ROR1: variants seen among roughly 807,000 people sequenced by gnomAD.
ROR1 encodes the protein inactive tyrosine-protein kinase transmembrane receptor ROR1.
ROR1 carries 19 observed loss-of-function variants against 78.8 expected under a neutral mutation model. The ratio of observed to expected loss-of-function variants is 0.24; its 90% confidence interval spans 0.17 to 0.35. The LOEUF (loss-of-function observed/expected upper bound fraction) is 0.35, where lower values mean the gene tolerates loss of function less well. ROR1 is among the 10% of genes least tolerant of loss of function. The pLI is 1.00. For synonymous variants in ROR1, 386 were observed against 433.6 expected (o/e 0.89, Z 1.36); for missense variants, 917 against 1,177.8 (o/e 0.78, Z 3.24).
chr1:64,019,388 C>T (rs1646546588), intron 2 of ROR1, among the ~76,000 whole-genome samples: 2 of 152,074 alleles, frequency 1.3e-5, no homozygotes, highest in South Asian at 4.1e-4. Flanking sequence ...ATTTTTTCCC[C>T]CATCTGTAAA....
chr1:64,119,004 G>C (rs1283199303), intron 4 of ROR1, among the ~76,000 whole-genome samples: 1 of 152,202 alleles, frequency 6.6e-6, no homozygotes, highest in Non-Finnish European at 1.5e-5. Flanking sequence ...ACCTTGACAG[G>C]TCATCTCTGG....
intron 2 of ROR1, among the ~76,000 whole-genome samples, chr1:64,009,581 G>T (rs1015272388): frequency 2.0e-5 from 3 of 151,700 alleles, no homozygotes; most frequent in Non-Finnish European, 4.4e-5. Context: ...TCCCCCCCTC[G>T]TTCCTTTTTC....
intron 2 of ROR1, among the ~76,000 whole-genome samples, chr1:64,030,642 A>G (rs1646652594): frequency 6.6e-6 from 1 of 152,120 alleles, no homozygotes. Flanking sequence ...TATATCGAGA[A>G]TGCTCTGGGG....
rs539751291 is a variant in ROR1 at position 63,946,046 on chromosome 1, A to T, written c.92-63259A>T. ...AGAAGTAAGTTTGTTTCAGCTACAGAGAATTCTCAGCTTCTCTCCTGCACT... is the reference window on the plus strand; with the variant it reads ...AGAAGTAAGTTTGTTTCAGCTACAGTGAATTCTCAGCTTCTCTCCTGCACT... On this transcript the variant is annotated intron_variant, in intron 1 of 8. Transcript: ENST00000371079. Among the ~76,000 whole-genome samples, 5 of 152,318 alleles carry T rather than the reference A, an allele frequency of 3.3e-5. No individual in the cohort carries two copies. The East Asian group carries it at 9.7e-4, about 29-fold the overall frequency.
chr1:64,130,083 G>A (rs554489486), intron 4 of ROR1, among the ~76,000 whole-genome samples: 8 of 152,268 alleles, frequency 5.3e-5, no homozygotes, highest in Admixed American at 6.5e-5. Context: ...TTAGCTAAGC[G>A]AATAAATGTT....
intron 8 of ROR1, among the ~76,000 whole-genome samples, chr1:64,174,140 G>C (rs1314823747): frequency 1.3e-5 from 2 of 152,018 alleles, no homozygotes; most frequent in Non-Finnish European, 2.9e-5. Context: ...TGATTTAAAG[G>C]GCACTTATTA....
intron 1 of ROR1, among the ~76,000 whole-genome samples, chr1:63,884,301 T>C (rs992456680): frequency 6.6e-6 from 1 of 152,150 alleles, no homozygotes; most frequent in Non-Finnish European, 1.5e-5. Flanking sequence ...CTGGTGACTC[T>C]TGGTAAAGTC....
At chr1:63,961,901 C>T (rs985061308) in intron 1 of ROR1, among the ~76,000 whole-genome samples, 2 of 151,994 alleles carry the variant, frequency 1.3e-5, no homozygotes, top group African/African-American at 4.8e-5. Context: ...TTCCAACTAC[C>T]CTGATTTGAT....
At chr1:63,940,322 CAG>C (rs1306440684) in intron 1 of ROR1, among the ~76,000 whole-genome samples, 1 of 152,068 alleles carries the variant, frequency 6.6e-6, no homozygotes, top group East Asian at 1.9e-4. Context: ...GTCAAGAAGA[CAG>C]AGAGAAACCA....
Position 64,180,971 on chromosome 1 carries a change from AC to A in ROR1, c.*2118del, listed in dbSNP as rs1650531614. 6.6e-6 allele frequency: 1 copy of A among 152,142 alleles called. No homozygotes were observed. The highest frequency in any genetic ancestry group is 2.1e-4 in the South Asian group (1 of 4,834). 9.4% of individuals were successfully genotyped at this position (152,142 alleles called of 1,614,324 possible). A position where few individuals can be genotyped will look rare whatever the true frequency, so the allele number is the denominator to read the frequency against. ...TAAAGTGAGCAAATGAAATTTCAAA[AC>A]CACTTGTAATAATGTATTTTATAAT... On this transcript the variant is annotated 3_prime_UTR_variant, in exon 9 of 9. Coordinates refer to ENST00000371079, the MANE Select transcript of ROR1 (RefSeq NM_005012.4).
intron 1 of ROR1, among the ~76,000 whole-genome samples, chr1:63,954,050 A>G (rs1046323808): frequency 2.6e-5 from 4 of 152,210 alleles, no homozygotes; most frequent in South Asian, 2.1e-4. Context: ...ATTGATTTTA[A>G]TATCACTGTG....
At chr1:63,887,242 G>A (rs934361192) in intron 1 of ROR1, among the ~76,000 whole-genome samples, 1 of 151,912 alleles carries the variant, frequency 6.6e-6, no homozygotes, top group Admixed American at 6.6e-5. Context: ...GTTTGGGGAT[G>A]TATAGGCCAT....
At chr1:64,088,822 G>A (rs1450025545) in intron 4 of ROR1, among the ~76,000 whole-genome samples, 1 of 152,146 alleles carries the variant, frequency 6.6e-6, no homozygotes, top group African/African-American at 2.4e-5. Context: ...AGACATGAAG[G>A]GTTGTTTTGA....
At chr1:64,040,204 T>C (rs1181842067) in intron 2 of ROR1, among the ~76,000 whole-genome samples, 2 of 152,186 alleles carry the variant, frequency 1.3e-5, no homozygotes, top group Admixed American at 1.3e-4. Flanking sequence ...AAAATTGGGA[T>C]GGATGAGGCT....
At chr1:63,991,871 C>G (rs1261484919) in intron 1 of ROR1, among the ~76,000 whole-genome samples, 1 of 152,114 alleles carries the variant, frequency 6.6e-6, no homozygotes, top group Non-Finnish European at 1.5e-5. Flanking sequence ...ATGCAATGAC[C>G]CTTCTCTCTT....
chr1:64,143,358 CA>C (rs1282600742), intron 7 of ROR1: 9 of 903,756 alleles, frequency 1.0e-5, no homozygotes, highest in South Asian at 5.2e-5. Context: ...CCATCTCTAC[CA>C]AAAAAAAGAA....
chr1:63,798,214 C>A (rs1242442080), intron 1 of ROR1, among the ~76,000 whole-genome samples: 1 of 152,182 alleles, frequency 6.6e-6, no homozygotes, highest in Non-Finnish European at 1.5e-5. Context: ...CATAGGTATG[C>A]AACCTGTGCA....
chr1:64,019,896 G>A (rs1225560786), intron 2 of ROR1, among the ~76,000 whole-genome samples: 2 of 152,200 alleles, frequency 1.3e-5, no homozygotes, highest in Non-Finnish European at 2.9e-5. Context: ...AGGATCTTGA[G>A]ATGAGATTAT....
chr1:64,067,730 T>TTTTTTTTTTTTTTTTG, intron 4 of ROR1, among the ~76,000 whole-genome samples: 1 of 125,192 alleles, frequency 8.0e-6, no homozygotes, highest in South Asian at 2.5e-4. Context: ...TTTTTTTTTT[T>TTTTTTTTTTTTTTTTG]GAGACGGAGT....
Sources: allele counts gnomAD v4.1 joint callset (sites outside exome capture counted in the v4.1 genomes callset), GRCh38; gene constraint gnomAD v4.1.1; transcripts MANE v1.5; gene names NCBI Gene and HGNC (gene_info 2026-07-23, HGNC 2026-07-21).